PROM2: variants seen among roughly 807,000 people sequenced by gnomAD.
The protein encoded by PROM2 is prominin 2.
Under a neutral mutation model 110.2 loss-of-function variants are expected in PROM2, and 90 were observed. The observed-to-expected ratio is 0.82, with a 90% CI of 0.69 to 0.97. The LOEUF is 0.97. Among genes scored for constraint, PROM2 ranks in the 50% least tolerant of loss-of-function variants. The pLI is 0.00. For synonymous variants in PROM2, 470 were observed against 467.8 expected, an observed-to-expected ratio of 1.00 and a Z score of -0.06; for missense variants, 1,009 against 1,074.8, an observed-to-expected ratio of 0.94 and a Z score of 0.86.
chr2:95,282,405 T>C (rs1677105073), intron 14 of PROM2, among the ~76,000 whole-genome samples, 179 bp downstream of exon 14: 1 of 152,112 alleles, frequency 6.6e-6, no homozygotes, highest in South Asian at 2.1e-4. Context: ...TCCGGGTGTG[T>C]AGGTGGGTCC....
chr2:95,285,064 C>T lies in PROM2; in HGVS notation c.1824C>T (p.Ala608=), dbSNP rs751084798. ...LSSAARRDLE[A]LQSSGLQRIH... is the part of the protein sequence containing the mutation. ...CAGCCGCCCGCCGGGACCTGGAGGC[C>T]CTGCAGAGCAGTGGGCTTCAGCGCA... Residue 608 remains alanine (A), a synonymous_variant, in exon 15 of 24, where the codon GCC becomes GCT. Transcript: ENST00000317620. 2 of 1,595,474 alleles carry T rather than the reference C, an allele frequency of 1.3e-6. No homozygotes were observed. Among genetic ancestry groups the T allele is most frequent in the Admixed American group, 3.5e-5 (2 of 57,914 alleles).
intron 14 of PROM2, 126 bp downstream of exon 14, chr2:95,282,352 G>A: frequency 1.2e-6 from 1 of 802,430 alleles, no homozygotes; most frequent in Non-Finnish European, 2.1e-6. Context: ...GAGCGATTAA[G>A]GTGCCCAAGG....
At chr2:95,284,906 A>T in intron 14 of PROM2, 63 bp from the exon 15 acceptor site, 2 of 1,534,540 alleles carry the variant, frequency 1.3e-6, no homozygotes, top group Admixed American at 1.9e-5. Context: ...TGCTTAGGGG[A>T]GCATCTCTGG....
chr2:95,277,677 AC>A, intron 7 of PROM2, 111 bp downstream of exon 7: 1 of 1,144,862 alleles, frequency 8.7e-7, no homozygotes, highest in Non-Finnish European at 1.2e-6. Context: ...CCCTTGCTCC[AC>A]CCACCCAGGG....
chr2:95,279,754 GA>G, intron 10 of PROM2, 90 bp from the exon 11 acceptor site: 1 of 1,123,036 alleles, frequency 8.9e-7, no homozygotes, highest in South Asian at 3.1e-5. Context: ...CTTGGGGTTA[GA>G]GGCCACACCC....
rs72819488 is a variant in PROM2 at position 95,281,351 on chromosome 2, G to A, written c.1537G>A (p.Gly513Ser). The change falls in exon 12 of 24, where the codon GGC becomes AGC. Residue 513 changes from glycine (G) to serine (S), a missense_variant. Physicochemically the swap from Gly to Ser is moderately conservative, Grantham distance 56. Transcript: ENST00000317620. Reference sequence around the variant, plus strand: ...GCTGGTGTGCCAGAGCTGGGAGAACGGCGAGCTCTTTGAGGTAGGCCTGTC... The same window carrying A: ...GCTGGTGTGCCAGAGCTGGGAGAACAGCGAGCTCTTTGAGGTAGGCCTGTC... ...QTLVCQSWEN[G>S]ELFEFADTPG... The A allele has an allele frequency of 0.14, 224,437 of 1,611,914 alleles. 16,945 individuals are homozygous for A. Among genetic ancestry groups the A allele is most frequent in the East Asian group, 0.2 (8,890 of 44,818 alleles).
intron 7 of PROM2, 53 bp downstream of exon 7, chr2:95,277,619 T>A: frequency 6.9e-7 from 1 of 1,456,676 alleles, no homozygotes; most frequent in Non-Finnish European, 9.1e-7. Context: ...AGCTGCCTGC[T>A]GCTCCTGGGA....
At chr2:95,287,489 A>G (rs1573463696) in intron 20 of PROM2, 25 bp downstream of exon 20, 1 of 1,607,592 alleles carries the variant, frequency 6.2e-7, no homozygotes, top group Non-Finnish European at 8.5e-7. Flanking sequence ...AGAAGCAATG[A>G]CTGATTCCCT....
rs1390093572 is a variant in PROM2, at chr2:95,291,281, A to G, written c.*2068A>G. 1 of 152,186 alleles carries G rather than the reference A, an allele frequency of 6.6e-6. No individual in the cohort carries two copies. Among genetic ancestry groups the G allele is most frequent in the Non-Finnish European group, 1.5e-5 (1 of 68,032 alleles). The allele number at this position is 152,186 out of a possible 1,614,324, so 9.4% of individuals were successfully genotyped here. On this transcript the variant is annotated 3_prime_UTR_variant, in exon 24 of 24. Transcript: ENST00000317620. ...AGCACCCTTGCATTTCAAAAATAAA[A>G]TTGATGGCATTACAAATGGAATAGA...
chr2:95,289,027 T>C, intron 23 of PROM2, 21 bp downstream of exon 23: 1 of 1,595,800 alleles, frequency 6.3e-7, no homozygotes, highest in Non-Finnish European at 8.6e-7. Flanking sequence ...CCCAACTCGC[T>C]TAATTGCTCC....
chr2:95,282,092 C>T (rs370532664), intron 13 of PROM2, 50 bp from the exon 14 acceptor site: 6 of 1,606,968 alleles, frequency 3.7e-6, no homozygotes, highest in South Asian at 1.1e-5. Flanking sequence ...GGACATCAGC[C>T]CCCCCGCCAC....
intron 20 of PROM2, among the ~76,000 whole-genome samples, 172 bp from the exon 21 acceptor site, chr2:95,288,039 T>C (rs554360483): frequency 6.6e-6 from 1 of 152,286 alleles, no homozygotes; most frequent in African/African-American, 2.4e-5. Flanking sequence ...GTAGAGTATG[T>C]CCGCATCTGT....
intron 11 of PROM2, among the ~76,000 whole-genome samples, chr2:95,280,857 G>T (rs577437980): frequency 6.6e-6 from 1 of 152,234 alleles, no homozygotes; most frequent in South Asian, 2.1e-4. Context: ...TGCCCTGGCT[G>T]GTCTCATACT....
rs537874801 is a variant in PROM2, at chr2:95,281,293, C to G, written c.1479C>G (p.Phe493Leu). 4 of 1,613,334 alleles carry G rather than the reference C, an allele frequency of 2.5e-6. No homozygotes were observed. The highest frequency in any genetic ancestry group is 3.4e-6 in the Non-Finnish European group (4 of 1,179,934). The stretch of plus-strand genomic sequence containing the variant: ...CTGCACCCCTCATCCTCCTGGTGTT[C>G]GCCACCTTCCTGGTGGGTGGCAACG... ...LFAAPLILLV[F>L]ATFLVGGNVQ... The change falls in exon 12 of 24, where the codon TTC becomes TTG. Residue 493 changes from phenylalanine to leucine, a missense_variant. Physicochemically the swap from Phe to Leu is conservative, Grantham distance 22. Transcript: ENST00000317620.
rs1402881442 is a variant in PROM2, at chr2:95,277,330, T to G, written c.773-34T>G. The G allele has an allele frequency of 1.9e-6, 3 of 1,573,780 alleles. No homozygotes were observed. The South Asian group carries it at 3.5e-5, about 18-fold the overall frequency. On this transcript the variant is annotated intron_variant, in intron 6 of 23. Coordinates refer to ENST00000317620, the MANE Select transcript of PROM2 (RefSeq NM_001165978.3). ...GCAAGGCGTCTGGGGATGCATATGG[T>G]GGACCCTGCTCAGGCTGGGTGTGGG...
At chr2:95,283,635 C>T (rs563809787) in intron 14 of PROM2, among the ~76,000 whole-genome samples, 1 of 152,342 alleles carries the variant, frequency 6.6e-6, no homozygotes, top group East Asian at 1.9e-4. Flanking sequence ...CTCTAACCAC[C>T]TGTGTAACCT....
rs140180029 is a variant in PROM2, at chr2:95,276,072, C to T, written c.437C>T (p.Ala146Val). 695 of 1,611,264 alleles carry T rather than the reference C, an allele frequency of 4.3e-4. 2 individuals carry two copies. The African/African-American group carries it at 8.0e-3, about 18-fold the overall frequency. The change falls in exon 3 of 24, where the codon GCG becomes GTG. Residue 146 changes from alanine to valine, a missense_variant. Transcript: ENST00000317620. This position sits in a 1 kb window ranked among gnomAD's most constrained non-coding sequence, Gnocchi z 4.6. ...CGGRVKTEHKALACERAALMV... is the reference protein window; with the variant it reads ...CGGRVKTEHKVLACERAALMV... The stretch of plus-strand genomic sequence containing the variant: ...GGACGAGTGAAGACAGAGCACAAGG[C>T]GCTGGCCTGTGAGCGCGCGGCCCTC...
chr2:95,277,270 G>T, intron 6 of PROM2, 94 bp from the exon 7 acceptor site: 1 of 1,367,736 alleles, frequency 7.3e-7, no homozygotes, highest in Middle Eastern at 2.2e-4. Flanking sequence ...TGATTTGCAG[G>T]TCCCTTTGGC....
intron 14 of PROM2, among the ~76,000 whole-genome samples, chr2:95,282,832 G>A (rs1677126883): frequency 6.6e-6 from 1 of 152,168 alleles, no homozygotes; most frequent in African/African-American, 2.4e-5. Context: ...TCTCCTCATG[G>A]TGCACAGCAG....
Sources: allele counts gnomAD v4.1 joint callset (sites outside exome capture counted in the v4.1 genomes callset), GRCh38; gene constraint gnomAD v4.1.1; non-coding constraint Gnocchi (gnomAD v3.1); transcripts MANE v1.5; gene names NCBI Gene and HGNC (gene_info 2026-07-23, HGNC 2026-07-21).